Variants in GNG12 observed in about 807,000 individuals in gnomAD.
GNG12 encodes the protein guanine nucleotide-binding protein G(I)/G(S)/G(O) subunit gamma-12.
For missense variants in GNG12, 69 were observed against 83.8 expected, an observed-to-expected ratio of 0.82 and a Z score of 0.69; for synonymous variants, 28 against 29.7, an observed-to-expected ratio of 0.94 and a Z score of 0.19.
chr1:67,771,090 T>G (rs1646672020), intron 2 of GNG12, among the ~76,000 whole-genome samples: 1 of 152,078 alleles, frequency 6.6e-6, no homozygotes, highest in East Asian at 1.9e-4. Context: ...ACCAGAAAAG[T>G]CATGGGCCTG....
intron 1 of GNG12, among the ~76,000 whole-genome samples, chr1:67,796,474 T>C (rs1189665939): frequency 6.6e-6 from 1 of 152,168 alleles, no homozygotes; most frequent in African/African-American, 2.4e-5. Flanking sequence ...ACGACTATTT[T>C]ACTACATACT....
intron 1 of GNG12, among the ~76,000 whole-genome samples, chr1:67,783,321 T>C (rs1482919328): frequency 2.0e-5 from 3 of 152,334 alleles, no homozygotes; most frequent in South Asian, 4.1e-4. Context: ...GCTTAGCTTT[T>C]TCATTCTTTT....
chr1:67,815,328 C>G (rs1646947837), intron 1 of GNG12, among the ~76,000 whole-genome samples: 1 of 152,190 alleles, frequency 6.6e-6, no homozygotes, highest in Admixed American at 6.5e-5. Flanking sequence ...AAAGCCATTT[C>G]TAGTCAAAAT....
chr1:67,753,628 T>G (rs1646551926), intron 2 of GNG12, among the ~76,000 whole-genome samples: 1 of 152,218 alleles, frequency 6.6e-6, no homozygotes, highest in African/African-American at 2.4e-5. Context: ...ACAGCTCAGC[T>G]TCTGCCTCCA....
intron 1 of GNG12, among the ~76,000 whole-genome samples, chr1:67,805,350 A>ACCAGAATC (rs1483222678): frequency 1.3e-5 from 2 of 152,226 alleles, no homozygotes; most frequent in African/African-American, 4.8e-5. Flanking sequence ...AAGCATCAGA[A>ACCAGAATC]CCAGAATCAG....
At chr1:67,761,838 C>T (rs1646607195) in intron 2 of GNG12, among the ~76,000 whole-genome samples, 1 of 152,100 alleles carries the variant, frequency 6.6e-6, no homozygotes, top group Non-Finnish European at 1.5e-5. Flanking sequence ...GGAAAACTCT[C>T]TCAGTGATCC....
At chr1:67,746,290 TAGTTA>T (rs1646506949) in intron 2 of GNG12, among the ~76,000 whole-genome samples, 1 of 152,240 alleles carries the variant, frequency 6.6e-6, no homozygotes, top group East Asian at 1.9e-4. Flanking sequence ...GACAAAGGCA[TAGTTA>T]AGTTGATTCC....
At chr1:67,830,002 CTTTTTTTTTT>C (rs35214495) in intron 1 of GNG12, among the ~76,000 whole-genome samples, 1 of 117,406 alleles carries the variant, frequency 8.5e-6, no homozygotes, top group Non-Finnish European at 1.7e-5. Context: ...AAGATGGAGG[CTTTTTTTTTT>C]TTTTTTTTTG....
intron 2 of GNG12, chr1:67,777,040 G>A (rs917791049): frequency 1.3e-5 from 2 of 152,090 alleles, no homozygotes; most frequent in African/African-American, 4.8e-5. Context: ...AAAAAAAATA[G>A]AGCAATAATA....
At chr1:67,774,051 T>C (rs965881947) in intron 2 of GNG12, among the ~76,000 whole-genome samples, 2 of 152,188 alleles carry the variant, frequency 1.3e-5, no homozygotes, top group Non-Finnish European at 2.9e-5. Context: ...TACAGAGATG[T>C]TGTCGGCCAC....
intron 2 of GNG12, among the ~76,000 whole-genome samples, chr1:67,708,443 G>A (rs1646262688): frequency 6.6e-6 from 1 of 152,126 alleles, no homozygotes; most frequent in Non-Finnish European, 1.5e-5. Flanking sequence ...TGGTCTCATC[G>A]TGATGGTCTG....
intron 2 of GNG12, among the ~76,000 whole-genome samples, chr1:67,764,253 C>T (rs191042627): frequency 1.8e-4 from 28 of 152,164 alleles, no homozygotes; most frequent in Admixed American, 1.6e-3. Context: ...TAGTCTGGTG[C>T]GTAGAGAAAG....
intron 2 of GNG12, among the ~76,000 whole-genome samples, chr1:67,770,991 G>T (rs1291495126): frequency 6.6e-6 from 1 of 152,114 alleles, no homozygotes; most frequent in African/African-American, 2.4e-5. Context: ...TGCTGAGAGA[G>T]AGTGAGTGAG....
At chr1:67,809,466 G>T (rs994656850) in intron 1 of GNG12, among the ~76,000 whole-genome samples, 3 of 152,166 alleles carry the variant, frequency 2.0e-5, no homozygotes, top group Non-Finnish European at 2.9e-5. Flanking sequence ...CTTCTTCTCT[G>T]CCAAAGACAA....
At chr1:67,795,018 G>C (rs1294537595) in intron 1 of GNG12, among the ~76,000 whole-genome samples, 3 of 152,124 alleles carry the variant, frequency 2.0e-5, no homozygotes, top group Non-Finnish European at 4.4e-5. Flanking sequence ...TTAGAGATAA[G>C]GACACAGGGG....
chr1:67,808,481 C>A (rs977976950), intron 1 of GNG12, among the ~76,000 whole-genome samples: 1 of 151,980 alleles, frequency 6.6e-6, no homozygotes, highest in Admixed American at 6.6e-5. Flanking sequence ...AAATAAAAGA[C>A]ACACAGATAG....
intron 1 of GNG12, among the ~76,000 whole-genome samples, chr1:67,819,688 C>G (rs1387217864): frequency 6.6e-6 from 1 of 152,198 alleles, no homozygotes; most frequent in Non-Finnish European, 1.5e-5. Context: ...TCTCTGTCTA[C>G]TTCTCCAAAC....
At chr1:67,771,784 A>T (rs957131286) in intron 2 of GNG12, among the ~76,000 whole-genome samples, 1 of 152,248 alleles carries the variant, frequency 6.6e-6, no homozygotes, top group African/African-American at 2.4e-5. Flanking sequence ...TGAGGTTCAC[A>T]GAATTATAAT....
At chr1:67,779,678 C>T (rs1345277778) in intron 1 of GNG12, among the ~76,000 whole-genome samples, 6 of 152,124 alleles carry the variant, frequency 3.9e-5, no homozygotes, top group African/African-American at 1.4e-4. Context: ...TGCAGTAGCG[C>T]CAATAAGGTA....
Sources: gnomAD v4.1 joint callset for allele counts (sites outside exome capture counted in the v4.1 genomes callset) on GRCh38, gnomAD v4.1.1 for gene constraint, MANE v1.5 for transcripts, NCBI Gene and HGNC (gene_info 2026-07-23, HGNC 2026-07-21) for gene names.